The following USP16 variants were observed in gnomAD, a reference collection of about 807,000 sequenced individuals.
The protein encoded by USP16 is ubiquitin specific peptidase 16, also known as ubiquitin carboxyl-terminal hydrolase 16.
In USP16, 77 loss-of-function variants were observed where a neutral mutation model predicts 95.9. The ratio of observed to expected loss-of-function variants is 0.80; its 90% CI spans 0.67 to 0.97. The LOEUF is 0.97. Among genes scored for constraint, USP16 ranks in the 50% least tolerant of loss-of-function variants. The probability of loss-of-function intolerance (pLI) is 0.00; values close to 1 mark genes in which losing one functional copy is unlikely to be tolerated. For missense variants in USP16, 943 were observed against 959.9 expected (o/e 0.98, Z 0.23); for synonymous variants, 303 against 318.2 (o/e 0.95, Z 0.51).
intron 1 of USP16, 89 bp from the exon 2 acceptor site, chr21:29,027,784 T>C: frequency 1.2e-6 from 1 of 839,408 alleles, no homozygotes; most frequent in East Asian, 2.7e-5. Flanking sequence ...ACATGCATAA[T>C]ATACGTGGCT....
intron 16 of USP16, among the ~76,000 whole-genome samples, chr21:29,051,618 G>A (rs1247834153): frequency 6.6e-6 from 1 of 152,206 alleles, no homozygotes; most frequent in East Asian, 1.9e-4. Context: ...ATCACTTGAG[G>A]TGAGGAGTTC....
chr21:29,030,581 A>T lies in USP16; in HGVS notation c.62-14A>T, dbSNP rs763522512. 6.5e-7 allele frequency: 1 copy of T among 1,549,110 alleles called. No homozygotes were observed. The highest frequency in any genetic ancestry group is 8.7e-7 in the Non-Finnish European group (1 of 1,150,140). ...TGACCTTATATATTCCTTGTCTATT[A>T]TTTGTTTTAATAGAACCTGTGTGCA... On this transcript the variant is annotated splice_polypyrimidine_tract_variant and intron_variant, in intron 2 of 17. Coordinates refer to ENST00000399976, the MANE Select transcript of USP16 (RefSeq NM_006447.3).
intron 1 of USP16, chr21:29,026,732 T>C (rs1315799572): frequency 6.6e-6 from 1 of 151,938 alleles, no homozygotes; most frequent in East Asian, 1.9e-4. Flanking sequence ...CATTTTTTTT[T>C]CCTGACTTTT....
intron 5 of USP16, 71 bp downstream of exon 5, chr21:29,036,445 T>C: frequency 7.3e-7 from 1 of 1,377,882 alleles, no homozygotes; most frequent in African/African-American, 1.4e-5. Context: ...AGATTTGTTA[T>C]ACTACCTAGC....
At chr21:29,025,752 A>G (rs2084977112) in intron 1 of USP16, 2 of 983,756 alleles carry the variant, frequency 2.0e-6, no homozygotes, top group Non-Finnish European at 2.4e-6. Flanking sequence ...TGCACCTTGT[A>G]ATCATCCTTT....
At chr21:29,037,940 CT>C (rs956446289) in intron 6 of USP16, among the ~76,000 whole-genome samples, 3 of 152,184 alleles carry the variant, frequency 2.0e-5, no homozygotes, top group African/African-American at 7.2e-5. Flanking sequence ...TTGGTGAGCA[CT>C]CGGGTGCAGT....
Position 29,034,054 on chromosome 21 carries a change from G to A in USP16, c.241-783G>A, listed in dbSNP as rs570627974. 5.9e-5 allele frequency among the ~76,000 whole-genome samples: 9 copies of A among 152,324 alleles called. No homozygotes were observed. In the South Asian group the frequency reaches 6.2e-4, roughly 11 times the overall value. ...GGAGTTAACACTGGAGAGATATGTC[G>A]GGGTCAGAGGATGTCAGGTTTGTTT... On this transcript the variant is annotated intron_variant, in intron 3 of 17. Coordinates refer to ENST00000399976, the MANE Select transcript of USP16 (RefSeq NM_006447.3).
chr21:29,045,862 G>A (rs941564097), intron 13 of USP16, among the ~76,000 whole-genome samples: 2 of 152,184 alleles, frequency 1.3e-5, no homozygotes, highest in Middle Eastern at 3.4e-3. Flanking sequence ...CTGGAGTGCA[G>A]TGGTGTGGTC....
intron 6 of USP16, 147 bp downstream of exon 6, chr21:29,037,610 A>G (rs2146374658): frequency 3.3e-6 from 2 of 601,278 alleles, no homozygotes; most frequent in Non-Finnish European, 2.5e-6. Context: ...TTTTTGAGAC[A>G]GGGTCTCACT....
intron 3 of USP16, among the ~76,000 whole-genome samples, chr21:29,034,473 C>T (rs1051563595): frequency 2.0e-5 from 3 of 151,802 alleles, no homozygotes; most frequent in Non-Finnish European, 2.9e-5. Context: ...CCACCACACC[C>T]GGCTAATTTT....
chr21:29,042,381 C>A, intron 11 of USP16, 91 bp from the exon 12 acceptor site: 4 of 1,265,194 alleles, frequency 3.2e-6, no homozygotes, highest in Non-Finnish European at 4.4e-6. Context: ...AAAACCCATC[C>A]CCTACTCCCC....
At chr21:29,045,655 A>G (rs2085311543) in intron 13 of USP16, among the ~76,000 whole-genome samples, 1 of 151,998 alleles carries the variant, frequency 6.6e-6, no homozygotes, top group South Asian at 2.1e-4. Flanking sequence ...ACCGTGTGGT[A>G]TAACATTTGA....
In USP16 at chr21:29,046,649, C is replaced by T. The variant is rs372868485; in HGVS notation, c.1357-18C>T. 2.7e-5 allele frequency: 42 copies of T among 1,574,158 alleles called. No individual in the cohort carries two copies. The highest frequency in any genetic ancestry group is 1.5e-4 in the African/African-American group (11 of 72,792). ...TTTCTTTTTCTTTATTTTTTGATGCCGTATACTTTTTACCCAGAACCAACG... is the reference window on the plus strand; with the variant it reads ...TTTCTTTTTCTTTATTTTTTGATGCTGTATACTTTTTACCCAGAACCAACG... On this transcript the variant is annotated intron_variant, in intron 13 of 17. Transcript: ENST00000399976.
chr21:29,051,650 G>C, intron 16 of USP16, among the ~76,000 whole-genome samples: 1 of 152,182 alleles, frequency 6.6e-6, no homozygotes, highest in East Asian at 1.9e-4. Flanking sequence ...GGCCAGCATG[G>C]TGAAACCCTG....
chr21:29,028,727 G>T (rs553836572), intron 2 of USP16, among the ~76,000 whole-genome samples: 2 of 152,042 alleles, frequency 1.3e-5, no homozygotes, highest in South Asian at 2.1e-4. Flanking sequence ...GAGCCACCGC[G>T]CCCGACCTTC....
intron 12 of USP16, 146 bp from the exon 13 acceptor site, chr21:29,043,277 A>G (rs2085271328): frequency 1.8e-6 from 1 of 557,432 alleles, no homozygotes; most frequent in Non-Finnish European, 2.8e-6. Context: ...AGATAAACGA[A>G]TTTTGTCTCA....
chr21:29,026,517 C>T (rs2084990909), intron 1 of USP16: 1 of 147,282 alleles, frequency 6.8e-6, no homozygotes. Flanking sequence ...GGTCTTGAAA[C>T]CCAAACATCT....
chr21:29,027,908 G>A lies in USP16; in HGVS notation c.-6G>A, dbSNP rs369754224. The A allele has an allele frequency of 1.2e-6, 2 of 1,613,246 alleles. No homozygotes were observed. The highest frequency in any genetic ancestry group is 2.7e-5 in the African/African-American group (2 of 74,836). ...TGTGTCAGTAAGTAATCCATAAAGT[G>A]CCAACATGGGAAAGAAACGGACAAA... On this transcript the variant is annotated 5_prime_UTR_variant, in exon 2 of 18. Coordinates refer to ENST00000399976, the MANE Select transcript of USP16 (RefSeq NM_006447.3).
chr21:29,046,814 G>T lies in USP16; in HGVS notation c.1504G>T (p.Gly502Cys). 6.2e-7 allele frequency: 1 copy of T among 1,613,976 alleles called. No homozygotes were observed. Among genetic ancestry groups the T allele is most frequent in the East Asian group, 2.2e-5 (1 of 44,856 alleles). ...NIKSNHISQE[G>C]VMHKEYCVNQ... ...TAAATCCAACCATATTTCACAAGAG[G>T]GTGTTATGCATAAAGAATATTGTGT... The change falls in exon 14 of 18, where the codon GGT becomes TGT. Residue 502 changes from glycine to cysteine, a missense_variant. Transcript: ENST00000399976.
Sources: allele counts gnomAD v4.1 joint callset (sites outside exome capture counted in the v4.1 genomes callset), GRCh38; gene constraint gnomAD v4.1.1; transcripts MANE v1.5; gene names NCBI Gene and HGNC (gene_info 2026-07-23, HGNC 2026-07-21).